ARFGEF3: variants seen among roughly 807,000 people sequenced by gnomAD.
ARFGEF3 encodes the protein brefeldin A-inhibited guanine nucleotide-exchange protein 3.
In ARFGEF3, 96 loss-of-function variants were observed where a neutral mutation model predicts 221.7. That is an observed-to-expected ratio of 0.43 (90% CI 0.37 to 0.51). The LOEUF is 0.51. Among genes scored for constraint, ARFGEF3 ranks in the 20% least tolerant of loss-of-function variants. The pLI is 0.00. For missense variants in ARFGEF3, 2,410 were observed against 2,789.9 expected (o/e 0.86, Z 3.07); for synonymous variants, 1,145 against 1,126.8 (o/e 1.02, Z -0.32).
chr6:138,209,508 G>A (rs1777681711), intron 3 of ARFGEF3, among the ~76,000 whole-genome samples: 1 of 152,180 alleles, frequency 6.6e-6, no homozygotes, highest in African/African-American at 2.4e-5. Flanking sequence ...GGAGTGCAGT[G>A]GTGTGATCTT....
At position 138,336,749 on chromosome 6, in the gene ARFGEF3, TC is replaced by T. The variant is rs1780333584; in HGVS notation, c.*264del. ...CTATAATCCTTGATATGTTTCTAAC[TC>T]TTGAAGTATATTTCCCAGTGCTTTT... is the stretch of plus-strand genomic sequence containing the variant. On this transcript the variant is annotated 3_prime_UTR_variant, in exon 34 of 34. Transcript: ENST00000251691. The T allele has an allele frequency of 3.7e-6, 1 of 271,416 alleles. No individual in the cohort carries two copies. Among genetic ancestry groups the T allele is most frequent in the Non-Finnish European group, 6.8e-6 (1 of 146,362 alleles). 16.8% of individuals were successfully genotyped at this position (271,416 alleles called of 1,614,324 possible).
At chr6:138,191,578 T>C (rs73774680) in intron 2 of ARFGEF3, among the ~76,000 whole-genome samples, 7,656 of 152,216 alleles carry the variant, frequency 0.05, 446 homozygotes, top group African/African-American at 0.14. Context: ...CTTGGAAGTT[T>C]CATCCACTTC....
intron 22 of ARFGEF3, among the ~76,000 whole-genome samples, chr6:138,302,843 A>G (rs1445945501): frequency 2.6e-5 from 4 of 152,334 alleles, no homozygotes; most frequent in South Asian, 2.1e-4. Flanking sequence ...GATAAACACA[A>G]ATTTGGAGAA....
At chr6:138,205,632 A>G (rs770552636) in intron 2 of ARFGEF3, among the ~76,000 whole-genome samples, 3 of 152,274 alleles carry the variant, frequency 2.0e-5, no homozygotes, top group South Asian at 2.1e-4. Context: ...CGACAGTAAG[A>G]TAACAGTGAC....
Position 138,263,626 on chromosome 6 carries a change from C to A in ARFGEF3, c.2128+15C>A, listed in dbSNP as rs779475622. On this transcript the variant is annotated intron_variant, in intron 12 of 33. Transcript: ENST00000251691. ...TTTCTGCTCAGGTTTGTAAACAATT[C>A]TCTGCTGTATAGTCAACAAGATTAT... 4 of 1,580,922 alleles carry A rather than the reference C, an allele frequency of 2.5e-6. 1 individual carries two copies. In the South Asian group the frequency reaches 4.5e-5, roughly 18 times the overall value.
At chr6:138,266,782 G>A (rs1410471943) in intron 12 of ARFGEF3, among the ~76,000 whole-genome samples, 1 of 143,686 alleles carries the variant, frequency 7.0e-6, no homozygotes, top group Non-Finnish European at 1.5e-5. Flanking sequence ...CCGGGAGGCA[G>A]AGCTTGTAGT....
intron 22 of ARFGEF3, among the ~76,000 whole-genome samples, chr6:138,306,998 A>G (rs992401314): frequency 2.0e-5 from 3 of 151,984 alleles, no homozygotes; most frequent in South Asian, 2.1e-4. Context: ...CATGAACCCA[A>G]TTTTTAAAAA....
chr6:138,226,822 C>A (rs893971130), intron 4 of ARFGEF3, among the ~76,000 whole-genome samples: 1 of 152,154 alleles, frequency 6.6e-6, no homozygotes, highest in Non-Finnish European at 1.5e-5. Context: ...TTGGGAGCAT[C>A]AACAATTTCA....
chr6:138,288,394 G>C (rs1196519917), intron 17 of ARFGEF3, among the ~76,000 whole-genome samples: 1 of 147,690 alleles, frequency 6.8e-6, no homozygotes, highest in Non-Finnish European at 1.5e-5. Context: ...CAAAAAAATA[G>C]ATAAAACAGC....
rs368486126 is a variant in ARFGEF3 at position 138,293,990 on chromosome 6, C to T, written c.3369-3C>T. 2 of 1,612,658 alleles carry T rather than the reference C, an allele frequency of 1.2e-6. No homozygotes were observed. Among genetic ancestry groups the T allele is most frequent in the African/African-American group, 1.3e-5 (1 of 74,856 alleles). ...GAACACATCTCTTTCTGTTTGCATCCAGGCTCTTTGAAGATGCTACGGATA... is the reference window on the plus strand; with the variant it reads ...GAACACATCTCTTTCTGTTTGCATCTAGGCTCTTTGAAGATGCTACGGATA... On this transcript the variant is annotated splice_region_variant and splice_polypyrimidine_tract_variant and intron_variant, in intron 19 of 33. Transcript: ENST00000251691.
chr6:138,228,302 G>A (rs1307706513), intron 4 of ARFGEF3, among the ~76,000 whole-genome samples: 6 of 149,310 alleles, frequency 4.0e-5, no homozygotes, highest in African/African-American at 1.5e-4. Flanking sequence ...TCAGCCTCCC[G>A]GATAGCTGGG....
intron 22 of ARFGEF3, among the ~76,000 whole-genome samples, chr6:138,300,258 ATAAGT>A (rs1159123419): frequency 1.8e-4 from 27 of 151,104 alleles, no homozygotes; most frequent in African/African-American, 6.5e-4. Flanking sequence ...AACACTTAAG[ATAAGT>A]TAACACCTAG....
At chr6:138,320,719 G>T (rs779119852) in intron 28 of ARFGEF3, among the ~76,000 whole-genome samples, 2 of 152,182 alleles carry the variant, frequency 1.3e-5, no homozygotes, top group Non-Finnish European at 2.9e-5. Flanking sequence ...CACCAATTGT[G>T]AAAGAAAACA....
At chr6:138,194,392 G>T (rs554367200) in intron 2 of ARFGEF3, among the ~76,000 whole-genome samples, 1 of 152,330 alleles carries the variant, frequency 6.6e-6, no homozygotes, top group East Asian at 1.9e-4. Flanking sequence ...CTCCTTGGCG[G>T]AAGGGCGCTG....
intron 32 of ARFGEF3, among the ~76,000 whole-genome samples, chr6:138,330,322 A>C (rs1413413135): frequency 6.6e-6 from 1 of 152,050 alleles, no homozygotes; most frequent in Non-Finnish European, 1.5e-5. Flanking sequence ...CCGTGTGAGG[A>C]TTCATGGAGA....
At chr6:138,236,693 T>G (rs943316694) in intron 5 of ARFGEF3, among the ~76,000 whole-genome samples, 3 of 152,154 alleles carry the variant, frequency 2.0e-5, no homozygotes, top group African/African-American at 7.2e-5. Context: ...GATCTCAAAC[T>G]CTTGGGCTCA....
At chr6:138,226,770 CT>C (rs1187815134) in intron 4 of ARFGEF3, among the ~76,000 whole-genome samples, 3 of 152,138 alleles carry the variant, frequency 2.0e-5, no homozygotes, top group South Asian at 2.1e-4. Flanking sequence ...TTTTCTACCC[CT>C]AGTCTGTGTT....
At chr6:138,312,017 G>A (rs1028253086) in intron 25 of ARFGEF3, among the ~76,000 whole-genome samples, 4 of 152,132 alleles carry the variant, frequency 2.6e-5, no homozygotes, top group Non-Finnish European at 4.4e-5. Flanking sequence ...CTAGCTAGGC[G>A]TGGTGGCATG....
At position 138,278,593 on chromosome 6, in the gene ARFGEF3, G is replaced by C; in HGVS notation, c.2271G>C (p.Arg757=). Residue 757 remains arginine, a synonymous_variant, in exon 13 of 34, where the codon CGG becomes CGC. Transcript: ENST00000251691. ...CCCACGGTGACTACTACAGGAAGCG[G>C]CCGACCCTGGCGCCAGGCGTGATGG... The part of the protein sequence containing the change: ...KLSHGDYYRK[R]PTLAPGVMKD... 1 of 1,613,876 alleles carries C rather than the reference G, an allele frequency of 6.2e-7. No individual in the cohort carries two copies. Among genetic ancestry groups the C allele is most frequent in the Non-Finnish European group, 8.5e-7 (1 of 1,179,876 alleles).
Sources: allele counts gnomAD v4.1 joint callset (sites outside exome capture counted in the v4.1 genomes callset), GRCh38; gene constraint gnomAD v4.1.1; transcripts MANE v1.5; gene names NCBI Gene and HGNC (gene_info 2026-07-23, HGNC 2026-07-21).